P2RY8: variants seen among roughly 807,000 people sequenced by gnomAD.
P2RY8 encodes the protein P2Y receptor family member 8.
In P2RY8, 6 loss-of-function variants were observed where a neutral mutation model predicts 10.0. The observed-to-expected ratio is 0.60, with a 90% CI of 0.33 to 1.19. The LOEUF (loss-of-function observed/expected upper bound fraction) is 1.19. P2RY8 is among the 50% of genes most tolerant of loss of function. P2RY8 has a pLI of 0.04. For missense variants in P2RY8, 456 were observed against 542.0 expected, an observed-to-expected ratio of 0.84 and a Z score of 1.58; for synonymous variants, 276 against 252.5, an observed-to-expected ratio of 1.09 and a Z score of -0.88.
intron 1 of P2RY8, among the ~76,000 whole-genome samples, chrX:1,486,183 A>G (rs2091984349): frequency 6.6e-6 from 1 of 152,164 alleles, no homozygotes. Context: ...ATGCCATTGC[A>G]CTCCAGGCTG....
rs1358726519 is a variant in P2RY8 at position 1,504,297 on chromosome X, C to T, written c.-25+32624G>A. 2.8e-5 allele frequency among the ~76,000 whole-genome samples: 4 copies of T among 141,854 alleles called. No homozygotes were observed. In the East Asian group the frequency reaches 8.1e-4, roughly 29 times the overall value. 93.1% of individuals were successfully genotyped at this position (141,854 alleles called of 152,430 possible). A position where few individuals can be genotyped will look rare whatever the true frequency, so the allele number is the denominator to read the frequency against. ...CGCCACTGCACTCCAGCCTGGGCAA[C>T]AGACCAAGACTCTGTGTCAAAAAAA... On this transcript the variant is annotated intron_variant, in intron 1 of 1. Transcript: ENST00000381297.
chrX:1,505,271 G>A (rs1230523683), intron 1 of P2RY8, among the ~76,000 whole-genome samples: 8 of 152,138 alleles, frequency 5.3e-5, no homozygotes, highest in Non-Finnish European at 7.3e-5. Context: ...TCACAAAAAC[G>A]GATGAGACTG....
chrX:1,488,768 C>A (rs768961129), intron 1 of P2RY8, among the ~76,000 whole-genome samples: 10 of 143,480 alleles, frequency 7.0e-5, no homozygotes, highest in Non-Finnish European at 1.2e-4. Flanking sequence ...GTGTGTGATA[C>A]AGGACATTCC....
At chrX:1,475,836 G>A (rs2091867350) in intron 1 of P2RY8, among the ~76,000 whole-genome samples, 1 of 152,152 alleles carries the variant, frequency 6.6e-6, no homozygotes, top group Non-Finnish European at 1.5e-5. Flanking sequence ...TTGACTTACT[G>A]TTGAGAAATG....
Position 1,466,563 on chromosome X carries a change from G to C in P2RY8, c.-5C>G, listed in dbSNP as rs759234977. On this transcript the variant is annotated 5_prime_UTR_variant, in exon 2 of 2. Coordinates refer to ENST00000381297, the MANE Select transcript of P2RY8 (RefSeq NM_178129.5). Reference sequence around the variant, plus strand: ...GGTGCTGTTCGGGACCTGCATCCTGGAGGGGTCCTCGCCCGGGCTCTGCAA... The same window carrying C: ...GGTGCTGTTCGGGACCTGCATCCTGCAGGGGTCCTCGCCCGGGCTCTGCAA... 24 of 1,602,528 alleles carry C rather than the reference G, an allele frequency of 1.5e-5. No individual in the cohort carries two copies. The highest frequency in any genetic ancestry group is 2.0e-5 in the Non-Finnish European group (24 of 1,177,200).
intron 1 of P2RY8, among the ~76,000 whole-genome samples, chrX:1,532,794 GT>G (rs1342424751): frequency 6.6e-6 from 1 of 151,894 alleles, no homozygotes; most frequent in African/African-American, 2.4e-5. Flanking sequence ...AAGGTCAGGA[GT>G]TTGAGACCAG....
chrX:1,491,742 A>C (rs2092053365), intron 1 of P2RY8, among the ~76,000 whole-genome samples: 1 of 152,046 alleles, frequency 6.6e-6, no homozygotes, highest in South Asian at 2.1e-4. Context: ...AATGAATGCC[A>C]CTCTGAGAAT....
intron 1 of P2RY8, among the ~76,000 whole-genome samples, chrX:1,524,705 CCACT>C (rs1420067280): frequency 2.1e-3 from 180 of 84,136 alleles, no homozygotes; most frequent in African/African-American, 2.7e-3. Context: ...ATCCATCCAT[CCACT>C]CATCCATTCA....
chrX:1,494,639 A>T (rs760456033), intron 1 of P2RY8, among the ~76,000 whole-genome samples: 26 of 152,266 alleles, frequency 1.7e-4, no homozygotes, highest in African/African-American at 6.3e-4. Context: ...CTTCTCTTGG[A>T]TATATTGGAT....
chrX:1,506,928 G>A (rs1218827485), intron 1 of P2RY8, among the ~76,000 whole-genome samples: 1 of 126,106 alleles, frequency 7.9e-6, no homozygotes, highest in Admixed American at 8.2e-5. Context: ...CGCCCACCTA[G>A]GCCTCCCAAA....
chrX:1,472,818 G>A (rs2091808766), intron 1 of P2RY8, among the ~76,000 whole-genome samples: 2 of 150,784 alleles, frequency 1.3e-5, no homozygotes, highest in South Asian at 4.2e-4. Context: ...TGGATGGGTG[G>A]ATGTATAGAT....
At chrX:1,488,622 C>T in intron 1 of P2RY8, among the ~76,000 whole-genome samples, 1 of 152,252 alleles carries the variant, frequency 6.6e-6, no homozygotes, top group Middle Eastern at 3.4e-3. Context: ...GGTGCCAGCT[C>T]CTGCCTCCAT....
At chrX:1,536,063 A>G (rs1426928634) in intron 1 of P2RY8, among the ~76,000 whole-genome samples, 1 of 152,072 alleles carries the variant, frequency 6.6e-6, no homozygotes, top group Non-Finnish European at 1.5e-5. Flanking sequence ...CGTTTAATTT[A>G]TGCTTACTCT....
intron 1 of P2RY8, among the ~76,000 whole-genome samples, chrX:1,518,362 C>T (rs2092366360): frequency 6.8e-6 from 1 of 147,120 alleles, no homozygotes; most frequent in Non-Finnish European, 1.5e-5. Context: ...GGAGGCGGAG[C>T]TTGCAGTGAG....
chrX:1,516,948 G>A (rs1354359898), intron 1 of P2RY8, among the ~76,000 whole-genome samples: 1 of 151,494 alleles, frequency 6.6e-6, no homozygotes, highest in Non-Finnish European at 1.5e-5. Flanking sequence ...CGCAGTCTAT[G>A]GTATTCTGTG....
At chrX:1,500,096 G>A (rs1194740982) in intron 1 of P2RY8, among the ~76,000 whole-genome samples, 1 of 150,086 alleles carries the variant, frequency 6.7e-6, no homozygotes, top group Non-Finnish European at 1.5e-5. Flanking sequence ...CTGACCTCAT[G>A]ATCCGCCTGC....
intron 1 of P2RY8, among the ~76,000 whole-genome samples, chrX:1,499,555 A>C (rs2092154481): frequency 6.6e-6 from 1 of 152,034 alleles, no homozygotes; most frequent in South Asian, 2.1e-4. Context: ...CTTACGCCCA[A>C]ACTTTAATGC....
intron 1 of P2RY8, among the ~76,000 whole-genome samples, chrX:1,516,578 G>A (rs1162435265): frequency 1.3e-5 from 2 of 151,776 alleles, no homozygotes; most frequent in Non-Finnish European, 2.9e-5. Context: ...TGAGGACACA[G>A]GGAGAAGATG....
rs770870794 is a variant in P2RY8 at position 1,470,250 on chromosome X, G to A, written c.-24-3668C>T. ...AAATGGGCCAGGCGCGGTGACTCAC[G>A]TCTGTAATCCCATCACTTTGGGAGG... On this transcript the variant is annotated intron_variant, in intron 1 of 1. Transcript: ENST00000381297. 2.7e-5 allele frequency among the ~76,000 whole-genome samples: 4 copies of A among 148,258 alleles called. No homozygotes were observed. The East Asian group carries it at 6.0e-4, about 22-fold the overall frequency.
Sources: allele counts gnomAD v4.1 joint callset (sites outside exome capture counted in the v4.1 genomes callset), GRCh38; gene constraint gnomAD v4.1.1; transcripts MANE v1.5; gene names NCBI Gene and HGNC (gene_info 2026-07-23, HGNC 2026-07-21).